CCSER1: variants seen among roughly 807,000 people sequenced by gnomAD.
CCSER1 encodes coiled-coil serine rich protein 1.
CCSER1 carries 41 observed loss-of-function variants against 82.0 expected under a neutral mutation model. That is an observed-to-expected ratio of 0.50 (90% CI 0.39 to 0.65). CCSER1 has a LOEUF of 0.65. Among genes scored for constraint, CCSER1 ranks in the 30% least tolerant of loss-of-function variants. CCSER1 has a pLI of 0.00. For missense variants in CCSER1, 1,119 were observed against 1,064.2 expected (o/e 1.05, Z -0.72); for synonymous variants, 414 against 383.9 (o/e 1.08, Z -0.92).
intron 7 of CCSER1, among the ~76,000 whole-genome samples, chr4:90,750,972 C>T (rs567555573): frequency 2.0e-4 from 30 of 152,110 alleles, no homozygotes; most frequent in African/African-American, 7.0e-4. Flanking sequence ...AATATCAGAC[C>T]TTTATTAGTA....
At chr4:90,691,320 T>A (rs1399106249) in intron 6 of CCSER1, among the ~76,000 whole-genome samples, 1 of 152,000 alleles carries the variant, frequency 6.6e-6, no homozygotes, top group Non-Finnish European at 1.5e-5. Context: ...ATAGTCTTGA[T>A]TATTTTATTC....
At chr4:90,568,353 G>T (rs971827260) in intron 5 of CCSER1, among the ~76,000 whole-genome samples, 1 of 152,050 alleles carries the variant, frequency 6.6e-6, no homozygotes. Context: ...TATGCTGTTG[G>T]GTGCATATAT....
intron 10 of CCSER1, among the ~76,000 whole-genome samples, chr4:91,392,529 T>C (rs144859055): frequency 2.0e-5 from 3 of 152,248 alleles, no homozygotes; most frequent in Admixed American, 1.3e-4. Flanking sequence ...ATGAAATTTC[T>C]AGGGATAATA....
chr4:90,925,870 A>G (rs900828691), intron 9 of CCSER1, among the ~76,000 whole-genome samples: 14 of 152,114 alleles, frequency 9.2e-5, no homozygotes, highest in African/African-American at 3.1e-4. Context: ...ATATGAGCAA[A>G]TTAAATTTCT....
At position 91,193,809 on chromosome 4, in the gene CCSER1, GTTTGT is replaced by G. The variant is rs76516126; in HGVS notation, c.2217+107819_2217+107823del. 6.1e-5 allele frequency among the ~76,000 whole-genome samples: 8 copies of G among 131,252 alleles called. No homozygotes were observed. In the East Asian group the frequency reaches 1.6e-3, roughly 27 times the overall value. 86.1% of individuals were successfully genotyped at this position (131,252 alleles called of 152,430 possible). A position where few individuals can be genotyped will look rare whatever the true frequency, so the allele number is the denominator to read the frequency against. On this transcript the variant is annotated intron_variant, in intron 10 of 10. Coordinates refer to ENST00000509176, the MANE Select transcript of CCSER1 (RefSeq NM_001145065.2). ...CTTTACTTCTAATTCAAATCTTCCT[GTTTGT>G]TTTATTGATTTTTTTTTTCAAATGC...
intron 9 of CCSER1, among the ~76,000 whole-genome samples, chr4:91,038,853 T>C (rs990168794): frequency 8.5e-5 from 13 of 152,170 alleles, no homozygotes; most frequent in African/African-American, 2.9e-4. Flanking sequence ...AATTTAAATA[T>C]CTTGCAGTGG....
chr4:90,453,615 A>G lies in CCSER1; in HGVS notation c.1604-14619A>G, dbSNP rs148911187. ...TAATATTGGTCTCTACTATGGGGAGACAAAGAGTCTGTCCTGGAGCCATAA... is the reference window on the plus strand; with the variant it reads ...TAATATTGGTCTCTACTATGGGGAGGCAAAGAGTCTGTCCTGGAGCCATAA... On this transcript the variant is annotated intron_variant, in intron 4 of 10. Transcript: ENST00000509176. Among the ~76,000 whole-genome samples the G allele has an allele frequency of 4.3e-3, 656 of 152,204 alleles. 6 individuals are homozygous for G. The highest frequency in any genetic ancestry group is 0.015 in the African/African-American group (635 of 41,518).
chr4:90,627,928 A>T (rs1723614812), intron 5 of CCSER1, 97 bp from the exon 6 acceptor site: 2 of 860,256 alleles, frequency 2.3e-6, no homozygotes, highest in Non-Finnish European at 3.8e-6. Context: ...CACAAGAAAT[A>T]CTTTCTAGGA....
At chr4:90,447,153 G>A (rs1258953922) in intron 4 of CCSER1, among the ~76,000 whole-genome samples, 1 of 152,104 alleles carries the variant, frequency 6.6e-6, no homozygotes, top group Non-Finnish European at 1.5e-5. Context: ...ACCCTGTATT[G>A]CTGTGTAGTT....
chr4:91,144,225 T>G (rs1729323645), intron 10 of CCSER1, among the ~76,000 whole-genome samples: 1 of 152,012 alleles, frequency 6.6e-6, no homozygotes, highest in Admixed American at 6.6e-5. Flanking sequence ...TCCATTTTTT[T>G]TCTAGATTTT....
At chr4:90,724,803 T>C in intron 7 of CCSER1, 1 of 266,772 alleles carries the variant, frequency 3.7e-6, no homozygotes, top group South Asian at 3.9e-5. Flanking sequence ...TATTTTAACA[T>C]ACAATTATTA....
In CCSER1 at chr4:90,400,118, T is replaced by C; in HGVS notation, c.1592T>C (p.Leu531Pro). The change falls in exon 4 of 11, where the codon CTT becomes CCT. Residue 531 changes from leucine to proline, a missense_variant. Coordinates refer to ENST00000509176, the MANE Select transcript of CCSER1 (RefSeq NM_001145065.2). ...CTTGAATTTTTAGAGGAACAGAGTC[T>C]TCACCCTTCTGGTAAGTGTTAAAGA... is the stretch of plus-strand genomic sequence containing the variant. Reference protein sequence around the residue: ...LDLEFLEEQSLHPSVCREDSY... With the variant: ...LDLEFLEEQSPHPSVCREDSY... The C allele has an allele frequency of 6.3e-7, 1 of 1,582,598 alleles. No individual in the cohort carries two copies. The highest frequency in any genetic ancestry group is 8.7e-7 in the Non-Finnish European group (1 of 1,152,582).
rs569206975 is a variant in CCSER1 at position 90,182,345 on chromosome 4, A to G, written c.-42+54514A>G. ...ATTAGGTTATGTATGATTATGATGA[A>G]TGGAATTTTCTAGGAAGCAAAATTG... On this transcript the variant is annotated intron_variant, in intron 1 of 10. Coordinates refer to ENST00000509176, the MANE Select transcript of CCSER1 (RefSeq NM_001145065.2). Among the ~76,000 whole-genome samples, 90 of 152,248 alleles carry G rather than the reference A, an allele frequency of 5.9e-4. No individual in the cohort carries two copies. In the Middle Eastern group the frequency reaches 0.01, roughly 17 times the overall value.
intron 8 of CCSER1, among the ~76,000 whole-genome samples, chr4:90,849,548 G>T (rs1042199100): frequency 6.6e-6 from 1 of 152,066 alleles, no homozygotes; most frequent in Non-Finnish European, 1.5e-5. Context: ...CCAGCACTTT[G>T]GGAGGCTGAG....
chr4:90,330,908 G>C (rs1310134540), intron 3 of CCSER1, among the ~76,000 whole-genome samples: 2 of 152,008 alleles, frequency 1.3e-5, no homozygotes, highest in Non-Finnish European at 2.9e-5. Context: ...TGAATCTTCA[G>C]CTTTTCATGA....
intron 10 of CCSER1, among the ~76,000 whole-genome samples, chr4:91,538,521 A>C (rs1202856563): frequency 6.6e-6 from 1 of 151,552 alleles, no homozygotes; most frequent in Non-Finnish European, 1.5e-5. Flanking sequence ...CTTAGAAAAA[A>C]TGAGGAAGCC....
At chr4:90,643,129 G>A (rs529057299) in intron 6 of CCSER1, among the ~76,000 whole-genome samples, 1 of 152,180 alleles carries the variant, frequency 6.6e-6, no homozygotes, top group Non-Finnish European at 1.5e-5. Context: ...CATGAATATT[G>A]TTTTGTTATG....
intron 10 of CCSER1, among the ~76,000 whole-genome samples, chr4:91,579,111 T>TATTA (rs1763601621): frequency 6.6e-6 from 1 of 151,380 alleles, no homozygotes; most frequent in Non-Finnish European, 1.5e-5. Context: ...CCTTTACTAT[T>TATTA]ATTATTATAT....
chr4:90,268,720 A>G (rs1037522650), intron 1 of CCSER1, among the ~76,000 whole-genome samples: 1 of 152,158 alleles, frequency 6.6e-6, no homozygotes, highest in Non-Finnish European at 1.5e-5. Flanking sequence ...ATTGAATGTA[A>G]ATGGATTACA....
Sources: allele counts gnomAD v4.1 joint callset (sites outside exome capture counted in the v4.1 genomes callset), GRCh38; gene constraint gnomAD v4.1.1; transcripts MANE v1.5; gene names NCBI Gene and HGNC (gene_info 2026-07-23, HGNC 2026-07-21).